PMS1: variants seen among roughly 807,000 people sequenced by gnomAD.
The protein encoded by PMS1 is PMS1 protein homolog 1.
Under a neutral mutation model 93.1 loss-of-function variants are expected in PMS1, and 79 were observed. That is an observed-to-expected ratio of 0.85 (90% CI 0.71 to 1.02). The LOEUF is 1.02. Among genes scored for constraint, PMS1 ranks in the 50% least tolerant of loss-of-function variants. PMS1 has a pLI of 0.00. For missense variants in PMS1, 1,064 were observed against 1,085.3 expected, an observed-to-expected ratio of 0.98 and a Z score of 0.28; for synonymous variants, 335 against 363.4, an observed-to-expected ratio of 0.92 and a Z score of 0.89.
At chr2:189,786,667 G>A (rs898841638) in intron 1 of PMS1, among the ~76,000 whole-genome samples, 3 of 152,154 alleles carry the variant, frequency 2.0e-5, no homozygotes, top group African/African-American at 2.4e-5. Flanking sequence ...GATAGAATAC[G>A]TAGAGTTGTT....
At chr2:189,827,894 T>TGGTCC (rs2052575614) in intron 5 of PMS1, among the ~76,000 whole-genome samples, 1 of 151,678 alleles carries the variant, frequency 6.6e-6, no homozygotes, top group African/African-American at 2.4e-5. Context: ...GGGATAAAGT[T>TGGTCC]ATGGTTAGGA....
intron 10 of PMS1, among the ~76,000 whole-genome samples, chr2:189,866,471 A>C (rs537373488): frequency 6.6e-6 from 1 of 152,286 alleles, no homozygotes; most frequent in Admixed American, 6.5e-5. Context: ...TAAGTTTTTC[A>C]AAACTGAGTC....
At chr2:189,790,636 A>G (rs529964754) in intron 1 of PMS1, among the ~76,000 whole-genome samples, 6 of 152,286 alleles carry the variant, frequency 3.9e-5, no homozygotes, top group East Asian at 1.9e-4. Flanking sequence ...CCTACTTTCT[A>G]TGGTTTAGCG....
chr2:189,834,500 T>A (rs1168204467), intron 5 of PMS1, among the ~76,000 whole-genome samples: 1 of 152,196 alleles, frequency 6.6e-6, no homozygotes, highest in Non-Finnish European at 1.5e-5. Flanking sequence ...TTATGTTTAA[T>A]TGTTGTTAAG....
intron 6 of PMS1, among the ~76,000 whole-genome samples, chr2:189,849,206 C>A (rs770072318): frequency 6.6e-6 from 1 of 152,054 alleles, no homozygotes; most frequent in Non-Finnish European, 1.5e-5. Context: ...CATTTCCCAT[C>A]GTGACTTTGT....
intron 4 of PMS1, among the ~76,000 whole-genome samples, chr2:189,812,054 A>T (rs2050893909): frequency 6.6e-6 from 1 of 152,142 alleles, no homozygotes; most frequent in South Asian, 2.1e-4. Flanking sequence ...TAATCCCAGC[A>T]CTTTGGGAGA....
intron 12 of PMS1, among the ~76,000 whole-genome samples, chr2:189,873,922 ACT>A (rs1171923159): frequency 2.0e-5 from 3 of 151,396 alleles, no homozygotes; most frequent in Admixed American, 6.6e-5. Flanking sequence ...AACTGGAAAA[ACT>A]CTTCCACAAA....
At chr2:189,801,971 T>C (rs1295117085) in intron 3 of PMS1, among the ~76,000 whole-genome samples, 1 of 152,236 alleles carries the variant, frequency 6.6e-6, no homozygotes, top group Non-Finnish European at 1.5e-5. Context: ...TAAAATGTAA[T>C]AGCCATTCAT....
chr2:189,816,842 A>G (rs896580290), intron 4 of PMS1, among the ~76,000 whole-genome samples: 8 of 152,200 alleles, frequency 5.3e-5, no homozygotes, highest in Non-Finnish European at 1.0e-4. Flanking sequence ...GGTAATAAAT[A>G]TATTTTACAT....
chr2:189,868,815 T>A (rs1191137195), intron 11 of PMS1, among the ~76,000 whole-genome samples: 1 of 152,190 alleles, frequency 6.6e-6, no homozygotes, highest in African/African-American at 2.4e-5. Context: ...ACTTGATTTT[T>A]GTGATTTTTA....
intron 10 of PMS1, 82 bp from the exon 11 acceptor site, chr2:189,867,717 A>G: frequency 1.1e-6 from 1 of 944,994 alleles, no homozygotes; most frequent in East Asian, 2.4e-5. Context: ...CACTTGTCAA[A>G]GGGCCCTAGG....
chr2:189,841,202 C>T (rs796180029), intron 5 of PMS1, among the ~76,000 whole-genome samples: 7 of 152,236 alleles, frequency 4.6e-5, no homozygotes, highest in African/African-American at 1.4e-4. Flanking sequence ...TCAGTTTCCT[C>T]ATCTGTAAAA....
chr2:189,799,844 G>A (rs1304496391), intron 3 of PMS1, among the ~76,000 whole-genome samples: 2 of 152,172 alleles, frequency 1.3e-5, no homozygotes, highest in Non-Finnish European at 2.9e-5. Context: ...TGTTATAAAC[G>A]TCCCAGTTCA....
chr2:189,803,630 A>T (rs2050082667), intron 3 of PMS1, among the ~76,000 whole-genome samples: 1 of 151,728 alleles, frequency 6.6e-6, no homozygotes, highest in Middle Eastern at 3.4e-3. Context: ...TGAATTCTGA[A>T]CCTGTGCCCG....
At chr2:189,797,514 C>T (rs559125396) in intron 3 of PMS1, among the ~76,000 whole-genome samples, 1 of 152,242 alleles carries the variant, frequency 6.6e-6, no homozygotes, top group South Asian at 2.1e-4. Context: ...GGATGTTGGG[C>T]TCTTATTGTG....
chr2:189,876,342 G>C (rs1395690020), intron 12 of PMS1, among the ~76,000 whole-genome samples: 1 of 152,110 alleles, frequency 6.6e-6, no homozygotes, highest in Non-Finnish European at 1.5e-5. Context: ...TGTCACTGAG[G>C]GATCTTAAGA....
intron 2 of PMS1, among the ~76,000 whole-genome samples, chr2:189,794,025 G>C (rs2049120853): frequency 6.6e-6 from 1 of 151,852 alleles, no homozygotes; most frequent in African/African-American, 2.4e-5. Context: ...TAAATTGCTG[G>C]GAGTACAGGC....
intron 9 of PMS1, among the ~76,000 whole-genome samples, chr2:189,858,866 C>G (rs1048713380): frequency 6.6e-6 from 1 of 152,016 alleles, no homozygotes; most frequent in African/African-American, 2.4e-5. Context: ...CACTCTTATT[C>G]AGGTAACATT....
chr2:189,857,125 A>G (rs1425071667), intron 9 of PMS1, among the ~76,000 whole-genome samples: 5 of 152,146 alleles, frequency 3.3e-5, no homozygotes, highest in Non-Finnish European at 7.4e-5. Flanking sequence ...ATGATACAAG[A>G]TCAATTACTA....
Sources: allele counts gnomAD v4.1 joint callset (sites outside exome capture counted in the v4.1 genomes callset), GRCh38; gene constraint gnomAD v4.1.1; transcripts MANE v1.5; gene names NCBI Gene and HGNC (gene_info 2026-07-23, HGNC 2026-07-21).